Variants in CYP4F11 observed in about 807,000 individuals in gnomAD.
CYP4F11 encodes cytochrome P450 family 4 subfamily F member 11.
A neutral mutation model predicts 62.2 loss-of-function variants in CYP4F11; 79 were observed. The ratio of observed to expected loss-of-function variants is 1.27; its 90% CI spans 1.06 to 1.53. CYP4F11 has a LOEUF of 1.53. Among genes scored for constraint, CYP4F11 ranks in the 40% most tolerant of loss-of-function variants. The pLI, the probability that CYP4F11 is intolerant of heterozygous loss-of-function variation, is 0.00. For missense variants in CYP4F11, 777 were observed against 680.5 expected (o/e 1.14, Z -1.58); for synonymous variants, 290 against 263.7 (o/e 1.10, Z -0.97).
In CYP4F11 at chr19:15,927,230, C is replaced by G; in HGVS notation, c.507G>C (p.Lys169Asn). 6.2e-7 allele frequency: 1 copy of G among 1,614,082 alleles called. No homozygotes were observed. The stretch of plus-strand genomic sequence containing the variant: ...GACTCACGTGCATGATGTTCACACT[C>G]TTGTTGAAAATCTTCATATAAGGCT... ...ILKPYMKIFN[K>N]SVNIMHDKWQ... The change falls in exon 4 of 12, where the codon AAG becomes AAC. Residue 169 changes from lysine (K) to asparagine (N), a missense_variant. Transcript: ENST00000402119.
In CYP4F11 at chr19:15,924,100, C is replaced by G; in HGVS notation, c.648-18G>C. 2 of 1,608,624 alleles carry G rather than the reference C, an allele frequency of 1.2e-6. No individual in the cohort carries two copies. Among genetic ancestry groups the G allele is most frequent in the Non-Finnish European group, 1.7e-6 (2 of 1,176,130 alleles). On this transcript the variant is annotated intron_variant, in intron 5 of 11. Coordinates refer to ENST00000402119, the MANE Select transcript of CYP4F11 (RefSeq NM_021187.4). ...TGGGCTTCCTGCATGAAGGAGGTAACAACTTAACATATGCAAAGTCCCAGG... is the reference window on the plus strand; with the variant it reads ...TGGGCTTCCTGCATGAAGGAGGTAAGAACTTAACATATGCAAAGTCCCAGG...
intron 8 of CYP4F11, among the ~76,000 whole-genome samples, chr19:15,919,673 C>T (rs1220075522): frequency 6.6e-6 from 1 of 151,814 alleles, no homozygotes; most frequent in Non-Finnish European, 1.5e-5. Flanking sequence ...AGAATCTGTT[C>T]TCATCATTGC....
In CYP4F11 at chr19:15,934,277, G is replaced by T. The variant is rs1449289360; in HGVS notation, c.132C>A (p.Asn44Lys). 1.2e-6 allele frequency: 2 copies of T among 1,613,882 alleles called. No individual in the cohort carries two copies. The highest frequency in any genetic ancestry group is 3.3e-5 in the Admixed American group (2 of 60,012). Residue 44 changes from asparagine to lysine, a missense_variant, in exon 1 of 12, where the codon AAC (asparagine) becomes AAA (lysine). Transcript: ENST00000402119. ...GAGGAAAACACTGGAGGCGGCGGCAGTTGTCATAGAAGGTGTAGGTCCAGG... is the reference window on the plus strand; with the variant it reads ...GAGGAAAACACTGGAGGCGGCGGCATTTGTCATAGAAGGTGTAGGTCCAGG... ...VLAWTYTFYDNCRRLQCFPQP... is the reference protein window; with the variant it reads ...VLAWTYTFYDKCRRLQCFPQP...
intron 8 of CYP4F11, among the ~76,000 whole-genome samples, chr19:15,915,333 T>A (rs1406091743): frequency 1.3e-5 from 2 of 152,224 alleles, no homozygotes; most frequent in East Asian, 3.8e-4. Flanking sequence ...AATGTGGTGG[T>A]GGCAGACGGT....
chr19:15,913,941 C>A (rs770476991), intron 11 of CYP4F11, 32 bp from the exon 12 acceptor site: 2 of 1,586,660 alleles, frequency 1.3e-6, no homozygotes, highest in Admixed American at 3.4e-5. Context: ...TCTGACTGTG[C>A]CCATGACCCC....
rs927486579 is a variant in CYP4F11 at position 15,927,093 on chromosome 19, A to G, written c.525+119T>C. On this transcript the variant is annotated intron_variant, in intron 4 of 11. Transcript: ENST00000402119. ...TTATTCCCATTTTACAGATAGGGAAACCAAGGCTCAGAGAGGAAGAGCATT... is the reference window on the plus strand; with the variant it reads ...TTATTCCCATTTTACAGATAGGGAAGCCAAGGCTCAGAGAGGAAGAGCATT... The G allele has an allele frequency of 3.3e-6, 4 of 1,210,970 alleles. No individual in the cohort carries two copies. In the African/African-American group the frequency reaches 4.6e-5, roughly 14 times the overall value. 75.0% of individuals were successfully genotyped at this position (1,210,970 alleles called of 1,614,324 possible). A position where few individuals can be genotyped will look rare whatever the true frequency, so the allele number is the denominator to read the frequency against.
intron 8 of CYP4F11, among the ~76,000 whole-genome samples, chr19:15,917,468 C>T (rs1007628718): frequency 2.0e-5 from 3 of 152,058 alleles, no homozygotes; most frequent in South Asian, 2.1e-4. Flanking sequence ...ACAAATGTAG[C>T]ATGGCAAAGC....
chr19:15,923,744 G>T (rs539592870), intron 6 of CYP4F11, 68 bp downstream of exon 6: 1 of 1,552,640 alleles, frequency 6.4e-7, no homozygotes, highest in Admixed American at 1.9e-5. Flanking sequence ...TCAAGTCCAA[G>T]TTCTTTCATT....
chr19:15,924,976 C>T (rs1015529548), intron 4 of CYP4F11, 94 bp from the exon 5 acceptor site: 1 of 1,383,354 alleles, frequency 7.2e-7, no homozygotes, highest in East Asian at 2.8e-5. Context: ...TGCAATCATC[C>T]TCCTGGTCCT....
At position 15,912,723 on chromosome 19, in the gene CYP4F11, G is replaced by GTATATATGTATATA. The variant is rs2089543603; in HGVS notation, c.*1008_*1009insTATATACATATATA. 1 of 85,036 alleles carries GTATATATGTATATA rather than the reference G, an allele frequency of 1.2e-5. No homozygotes were observed. The highest frequency in any genetic ancestry group is 4.6e-5 in the African/African-American group (1 of 21,654). 5.3% of individuals were successfully genotyped at this position (85,036 alleles called of 1,614,324 possible). On this transcript the variant is annotated 3_prime_UTR_variant, in exon 12 of 12. Transcript: ENST00000402119. ...TGTGTGTGTGTGTGTGTGTGTGTGT[G>GTATATATGTATATA]TGTGTGTGTGTATATGTATATATGT... is the stretch of plus-strand genomic sequence containing the variant.
chr19:15,931,609 GGAAT>G (rs1680707328), intron 1 of CYP4F11, among the ~76,000 whole-genome samples: 1 of 92,628 alleles, frequency 1.1e-5, no homozygotes. Flanking sequence ...AGTGAGGAGA[GGAAT>G]GAGTGAGCGA....
At chr19:15,934,025 C>G (rs62105761) in intron 1 of CYP4F11, among the ~76,000 whole-genome samples, 186 bp downstream of exon 1, 7,625 of 23,254 alleles carry the variant, frequency 0.33, 1,553 homozygotes, top group Non-Finnish European at 0.34. Context: ...AGTGAGTGGG[C>G]AGAGGAATGA....
intron 1 of CYP4F11, among the ~76,000 whole-genome samples, chr19:15,931,136 A>C (rs2089712239): frequency 6.7e-6 from 1 of 149,528 alleles, no homozygotes; most frequent in Non-Finnish European, 1.5e-5. Context: ...CGACTGGGAC[A>C]TGTTAGTGAG....
intron 8 of CYP4F11, among the ~76,000 whole-genome samples, chr19:15,921,085 TCTCTCTCTCTCTCTCTCTCC>T: frequency 7.1e-6 from 1 of 141,636 alleles, no homozygotes; most frequent in African/African-American, 2.8e-5. Context: ...TCTCTCTCTC[TCTCTCTCTCTCTCTCTCTCC>T]CTCTCTCTCT....
chr19:15,916,167 A>G (rs1279327572), intron 8 of CYP4F11, among the ~76,000 whole-genome samples: 2 of 152,156 alleles, frequency 1.3e-5, no homozygotes, highest in African/African-American at 4.8e-5. Flanking sequence ...CTATGTGTCA[A>G]TATTATGATG....
chr19:15,914,566 TGGACTCCAAAAAG>T, intron 10 of CYP4F11, 23 bp downstream of exon 10: 1 of 1,612,344 alleles, frequency 6.2e-7, no homozygotes, highest in East Asian at 2.2e-5. Flanking sequence ...AACCTTGGAA[TGGACTCCAAAAAG>T]GGTGGGGTGA....
chr19:15,917,877 G>T (rs1365575562), intron 8 of CYP4F11, among the ~76,000 whole-genome samples: 1 of 152,102 alleles, frequency 6.6e-6, no homozygotes. Context: ...ATTTAGTGTG[G>T]TGAGTCCTCA....
rs1308999152 is a variant in CYP4F11, at chr19:15,924,062, G to A, written c.668C>T (p.Ala223Val). The A allele has an allele frequency of 6.2e-7, 1 of 1,613,946 alleles. No individual in the cohort carries two copies. Among genetic ancestry groups the A allele is most frequent in the Non-Finnish European group, 8.5e-7 (1 of 1,179,844 alleles). Residue 223 changes from alanine to valine, a missense_variant, in exon 6 of 12, where the codon GCC becomes GTC. Transcript: ENST00000402119. ...NCQEKPSEYI[A>V]AILELSAFVE... ...AAAGGCACTGAGCTCCAAGATGGCGGCAATATATTCACTGGGCTTCCTGCA... is the reference window on the plus strand; with the variant it reads ...AAAGGCACTGAGCTCCAAGATGGCGACAATATATTCACTGGGCTTCCTGCA...
chr19:15,934,560 G>A, upstream of CYP4F11: 3 of 890,876 alleles, frequency 3.4e-6, no homozygotes, highest in Admixed American at 9.5e-5. Flanking sequence ...GAGATCTAAA[G>A]TCCAGAAATG....
Sources: gnomAD v4.1 joint callset for allele counts (sites outside exome capture counted in the v4.1 genomes callset) on GRCh38, gnomAD v4.1.1 for gene constraint, MANE v1.5 for transcripts, NCBI Gene and HGNC (gene_info 2026-07-23, HGNC 2026-07-21) for gene names.